The following GET1 variants were observed in gnomAD, a reference collection of about 807,000 sequenced individuals.
GET1 encodes congenital heart disease 5 protein.
GET1 carries 20 observed loss-of-function variants against 22.6 expected under a neutral mutation model. The ratio of observed to expected loss-of-function variants is 0.89; its 90% CI spans 0.62 to 1.29. The LOEUF (loss-of-function observed/expected upper bound fraction) is 1.29. Among genes scored for constraint, GET1 ranks in the 50% most tolerant of loss-of-function variants. GET1 has a pLI of 0.00. For missense variants in GET1, 209 were observed against 219.9 expected (o/e 0.95, Z 0.31); for synonymous variants, 92 against 83.8 (o/e 1.10, Z -0.53).
At chr21:39,383,190 GTGATCTGCCC>G (rs1255832358) in intron 1 of GET1, among the ~76,000 whole-genome samples, 1 of 151,792 alleles carries the variant, frequency 6.6e-6, no homozygotes, top group Non-Finnish European at 1.5e-5. Context: ...TCCTGACCTT[GTGATCTGCCC>G]GCCTTGGCCT....
chr21:39,414,902 T>G (rs78367934), intron 1 of GET1, among the ~76,000 whole-genome samples: 35,037 of 151,922 alleles, frequency 0.23, 4,387 homozygotes, highest in African/African-American at 0.33. Flanking sequence ...TCCTTTCTGG[T>G]ATTCTGGATT....
chr21:39,406,734 A>G (rs560354268), downstream of GET1: 1 of 721,658 alleles, frequency 1.4e-6, no homozygotes, highest in South Asian at 2.0e-5. Flanking sequence ...CAGAAAAGGT[A>G]AGAAAATAGA....
rs542101295 is a variant in GET1 at position 39,420,395 on chromosome 21, T to C, written c.*24-7837T>C. Among the ~76,000 whole-genome samples the C allele has an allele frequency of 1.2e-4, 18 of 151,766 alleles. No homozygotes were observed. The South Asian group carries it at 3.5e-3, about 30-fold the overall frequency. On this transcript the variant is annotated intron_variant, in intron 1 of 1. Transcript: ENST00000478273. ...AAAATTAGCCAAGCGTGGTGTTGCA[T>C]GCCTGTACTCCTAGCTACTCAGGAG...
chr21:39,391,392 T>TCC, intron 2 of GET1: 1 of 277,574 alleles, frequency 3.6e-6, no homozygotes, highest in South Asian at 3.5e-5. Flanking sequence ...GAGGGGCCTG[T>TCC]CCAGGCCCAG....
At chr21:39,427,342 T>A (rs1201954560) in intron 1 of GET1, among the ~76,000 whole-genome samples, 1 of 152,108 alleles carries the variant, frequency 6.6e-6, no homozygotes, top group Admixed American at 6.5e-5. Flanking sequence ...TTTGGACAGC[T>A]GGGAGTTGAT....
chr21:39,394,991 T>C (rs2146993674), intron 4 of GET1, among the ~76,000 whole-genome samples: 1 of 151,960 alleles, frequency 6.6e-6, no homozygotes, highest in African/African-American at 2.4e-5. Flanking sequence ...CACCTTAGTC[T>C]CCTGAATAGT....
exon 2 of GET1, chr21:39,428,280 G>A (rs984151042): frequency 6.2e-7 from 1 of 1,610,182 alleles, no homozygotes; most frequent in Non-Finnish European, 8.5e-7. Context: ...CAATCACAGA[G>A]AAAGTCTTCT....
downstream of GET1, among the ~76,000 whole-genome samples, chr21:39,398,951 G>T (rs1447037876): frequency 6.6e-6 from 1 of 151,838 alleles, no homozygotes; most frequent in Non-Finnish European, 1.5e-5. Flanking sequence ...TGTTGGCCAG[G>T]TTGGTCTCGA....
intron 3 of GET1, chr21:39,392,103 A>G: frequency 4.6e-6 from 2 of 439,168 alleles, no homozygotes; most frequent in Non-Finnish European, 8.1e-6. Context: ...CCATGCCTGC[A>G]TCCCAGTGTG....
intron 1 of GET1, among the ~76,000 whole-genome samples, chr21:39,416,655 T>C (rs562145728): frequency 2.1e-5 from 3 of 143,126 alleles, no homozygotes; most frequent in Non-Finnish European, 3.1e-5. Context: ...TCTATCTTAC[T>C]TCTGTATTTT....
chr21:39,423,326 G>A (rs2074064932), intron 1 of GET1: 1 of 1,611,740 alleles, frequency 6.2e-7, no homozygotes, highest in Non-Finnish European at 8.5e-7. Flanking sequence ...TCCAATTTAT[G>A]ATGCATATCA....
intron 1 of GET1, among the ~76,000 whole-genome samples, chr21:39,418,330 A>T (rs1440150319): frequency 4.6e-5 from 7 of 152,070 alleles, no homozygotes; most frequent in African/African-American, 1.7e-4. Context: ...GTACATCAAG[A>T]TTCTTCATTG....
At chr21:39,404,336 G>A (rs2038933800) in intron 4 of GET1, among the ~76,000 whole-genome samples, 1 of 152,164 alleles carries the variant, frequency 6.6e-6, no homozygotes, top group Non-Finnish European at 1.5e-5. Context: ...TCAACATACA[G>A]GTATGCAACA....
At chr21:39,417,282 C>T (rs189759901) in intron 1 of GET1, among the ~76,000 whole-genome samples, 106 of 152,242 alleles carry the variant, frequency 7.0e-4, no homozygotes, top group Admixed American at 4.9e-3. Flanking sequence ...TCAGGTGATC[C>T]GCCCACCTTG....
chr21:39,399,517 T>G (rs1436286960), downstream of GET1, among the ~76,000 whole-genome samples: 1 of 152,180 alleles, frequency 6.6e-6, no homozygotes, highest in Non-Finnish European at 1.5e-5. Context: ...CGATCTCGGC[T>G]CACTGCAACC....
In GET1 at chr21:39,403,467, A is replaced by G. The variant is rs111993545; in HGVS notation, c.350-2447A>G. On this transcript the variant is annotated intron_variant, in intron 4 of 4. Transcript: ENST00000415847. ...TCAGCCTCTCCAGTAGCTGGGACTA[A>G]AGGCGCCGCCACCACGCCCGGCTAA... Among the ~76,000 whole-genome samples, 492 of 146,178 alleles carry G rather than the reference A, an allele frequency of 3.4e-3. 3 individuals are homozygous for G. The highest frequency in any genetic ancestry group is 0.012 in the African/African-American group (473 of 39,802).
intron 1 of GET1, chr21:39,422,787 T>G (rs527922782): frequency 4.7e-5 from 28 of 598,860 alleles, no homozygotes; most frequent in Admixed American, 3.1e-4. Context: ...TAGTTTGAGC[T>G]GCTTCTGTTT....
chr21:39,380,510 A>G (rs1018927739), intron 1 of GET1, 24 bp downstream of exon 1: 1 of 1,598,784 alleles, frequency 6.3e-7, no homozygotes, highest in South Asian at 1.1e-5. Context: ...TGGCCTCCCA[A>G]GGGCCGGTGG....
intron 1 of GET1, among the ~76,000 whole-genome samples, chr21:39,414,740 CTCTGTGTGTGTGTGTGTGTGTGTG>C (rs1319290641): frequency 9.6e-6 from 1 of 104,062 alleles, no homozygotes; most frequent in Admixed American, 1.0e-4. Flanking sequence ...CTCTCTCTCT[CTCTGTGTGTGTGTGTGTGTGTGTG>C]TGTGTGTGTG....
Sources: allele counts gnomAD v4.1 joint callset (sites outside exome capture counted in the v4.1 genomes callset), GRCh38; gene constraint gnomAD v4.1.1; transcripts MANE v1.5; gene names NCBI Gene and HGNC (gene_info 2026-07-23, HGNC 2026-07-21).